Variants in PCDH15 observed in about 807,000 individuals in gnomAD.
The protein encoded by PCDH15 is protocadherin-15.
In PCDH15, 129 loss-of-function variants were observed where a neutral mutation model predicts 178.5. The ratio of observed to expected loss-of-function variants is 0.72; its 90% confidence interval spans 0.63 to 0.84. The LOEUF (loss-of-function observed/expected upper bound fraction) is 0.84, where lower values mean the gene tolerates loss of function less well. Ranked by LOEUF, PCDH15 falls within the 40% of genes least tolerant of loss-of-function variation. The probability of loss-of-function intolerance (pLI) is 0.00; values close to 1 mark genes in which losing one functional copy is unlikely to be tolerated. For missense variants in PCDH15, 2,230 were observed against 2,099.9 expected, an observed-to-expected ratio of 1.06 and a Z score of -1.21; for synonymous variants, 800 against 732.0, an observed-to-expected ratio of 1.09 and a Z score of -1.50.
chr10:55,087,776 CAG>C (rs1326099570), intron 2 of PCDH15, among the ~76,000 whole-genome samples: 1 of 152,018 alleles, frequency 6.6e-6, no homozygotes, highest in Non-Finnish European at 1.5e-5. Context: ...CCCCAGAAGT[CAG>C]AACACAGAGT....
chr10:53,989,648 T>TC (rs1347781334), intron 21 of PCDH15, among the ~76,000 whole-genome samples: 2 of 152,150 alleles, frequency 1.3e-5, no homozygotes, highest in Non-Finnish European at 2.9e-5. Context: ...CTTGATTATT[T>TC]CCCTAACAGC....
In PCDH15 at chr10:53,960,462, C is replaced by A. The variant is rs1202976555; in HGVS notation, c.3010-618G>T. Among the ~76,000 whole-genome samples the A allele has an allele frequency of 5.9e-5, 9 of 152,188 alleles. No individual in the cohort carries two copies. In the South Asian group the frequency reaches 1.0e-3, roughly 18 times the overall value. On this transcript the variant is annotated intron_variant, in intron 22 of 37. Coordinates refer to ENST00000644397, the MANE Select transcript of PCDH15 (RefSeq NM_001384140.1). ...GCAGAAATTGTTCAAATGATGAAAA[C>A]TAAGAAAAAGCTTTAGTGTTGAGAT...
At chr10:54,720,864 C>T (rs1377086096) in intron 1 of PCDH15, among the ~76,000 whole-genome samples, 2 of 151,998 alleles carry the variant, frequency 1.3e-5, no homozygotes, top group African/African-American at 4.8e-5. Context: ...AGAAACTTAA[C>T]TTAAACTGGA....
intron 3 of PCDH15, among the ~76,000 whole-genome samples, chr10:54,379,543 C>A (rs1401888859): frequency 6.6e-6 from 1 of 152,068 alleles, no homozygotes; most frequent in Admixed American, 6.6e-5. Context: ...GAACAACGCA[C>A]TAGGCCAGTG....
Position 54,661,760 on chromosome 10 carries a change from A to C in PCDH15, c.91+2412T>G, listed in dbSNP as rs184702174. ...AACTAGAAAATAAAATCACATGTGT[A>C]TAACCACGGTTCTTCAACAAAGCTG... On this transcript the variant is annotated intron_variant, in intron 2 of 37. Coordinates refer to ENST00000644397, the MANE Select transcript of PCDH15 (RefSeq NM_001384140.1). Among the ~76,000 whole-genome samples, 430 of 152,016 alleles carry C rather than the reference A, an allele frequency of 2.8e-3. 4 individuals are homozygous for C. Among genetic ancestry groups the C allele is most frequent in the African/African-American group, 9.6e-3 (399 of 41,544 alleles).
intron 3 of PCDH15, among the ~76,000 whole-genome samples, chr10:54,427,436 A>T (rs1363236989): frequency 2.0e-5 from 3 of 151,086 alleles, no homozygotes; most frequent in African/African-American, 7.3e-5. Flanking sequence ...GCACCATCAC[A>T]TCCGGCTAAC....
chr10:55,436,796 G>T (rs1369668568), intron 2 of PCDH15, among the ~76,000 whole-genome samples: 3 of 152,228 alleles, frequency 2.0e-5, no homozygotes, highest in Non-Finnish European at 2.9e-5. Context: ...TTTTGTAATT[G>T]GTAACTATGA....
chr10:54,990,647 A>G (rs1287291578), intron 2 of PCDH15, among the ~76,000 whole-genome samples: 2 of 152,206 alleles, frequency 1.3e-5, no homozygotes, highest in South Asian at 2.1e-4. Context: ...TATATAAACC[A>G]TCATTGCAAA....
At chr10:54,691,298 G>A (rs1189670561) in intron 1 of PCDH15, among the ~76,000 whole-genome samples, 1 of 152,014 alleles carries the variant, frequency 6.6e-6, no homozygotes, top group African/African-American at 2.4e-5. Flanking sequence ...GTTCCTTGCT[G>A]CTTTATTTTT....
chr10:55,130,401 G>T (rs1049676088), intron 2 of PCDH15, among the ~76,000 whole-genome samples: 1 of 152,096 alleles, frequency 6.6e-6, no homozygotes, highest in Non-Finnish European at 1.5e-5. Flanking sequence ...GGTTACAAAA[G>T]AACATGTGGC....
chr10:54,254,853 C>T (rs1477958105), intron 8 of PCDH15, among the ~76,000 whole-genome samples: 1 of 152,142 alleles, frequency 6.6e-6, no homozygotes, highest in Non-Finnish European at 1.5e-5. Flanking sequence ...TTGATATTTG[C>T]CCACCGGGTC....
intron 14 of PCDH15, among the ~76,000 whole-genome samples, chr10:54,136,936 A>G (rs1486362470): frequency 3.9e-5 from 6 of 152,212 alleles, no homozygotes; most frequent in African/African-American, 1.4e-4. Flanking sequence ...TGTATTTTTC[A>G]TCTTCAACAT....
intron 2 of PCDH15, among the ~76,000 whole-genome samples, chr10:54,898,363 T>A (rs1954582372): frequency 1.3e-5 from 2 of 152,152 alleles, no homozygotes; most frequent in African/African-American, 2.4e-5. Context: ...GATAAAATAA[T>A]ACAATAATAA....
intron 2 of PCDH15, among the ~76,000 whole-genome samples, chr10:55,161,276 T>C (rs760399484): frequency 6.6e-6 from 1 of 152,190 alleles, no homozygotes; most frequent in Non-Finnish European, 1.5e-5. Context: ...GAGGAAGGGC[T>C]ATCTTATGGA....
chr10:54,577,893 A>T (rs116433400), intron 2 of PCDH15, among the ~76,000 whole-genome samples: 1,902 of 115,292 alleles, frequency 0.016, 25 homozygotes, highest in African/African-American at 0.031. Flanking sequence ...TAAATAAATA[A>T]ATATTCCTCT....
intron 1 of PCDH15, among the ~76,000 whole-genome samples, chr10:55,269,259 A>G (rs960324291): frequency 2.6e-5 from 4 of 152,078 alleles, no homozygotes; most frequent in Non-Finnish European, 5.9e-5. Context: ...CCTATTTAAC[A>G]TAGTATTAGA....
At chr10:54,371,827 G>A (rs10763103) in intron 4 of PCDH15, among the ~76,000 whole-genome samples, 24,855 of 151,816 alleles carry the variant, frequency 0.16, 2,497 homozygotes, top group African/African-American at 0.28. Flanking sequence ...AAATATTTGT[G>A]ATGCTTCAAT....
At chr10:54,394,409 G>T (rs931621728) in intron 3 of PCDH15, among the ~76,000 whole-genome samples, 5 of 151,806 alleles carry the variant, frequency 3.3e-5, no homozygotes, top group Non-Finnish European at 7.3e-5. Flanking sequence ...GTCCAGGGGA[G>T]ACATCACATG....
chr10:54,221,812 A>G (rs2052850403), intron 9 of PCDH15, among the ~76,000 whole-genome samples: 1 of 152,102 alleles, frequency 6.6e-6, no homozygotes, highest in African/African-American at 2.4e-5. Flanking sequence ...CATGTTGGCC[A>G]GGCTGGTTTC....
Sources: gnomAD v4.1 joint callset for allele counts (sites outside exome capture counted in the v4.1 genomes callset) on GRCh38, gnomAD v4.1.1 for gene constraint, MANE v1.5 for transcripts, NCBI Gene and HGNC (gene_info 2026-07-23, HGNC 2026-07-21) for gene names.